The following PCDH11X variants were observed in gnomAD, a reference collection of about 807,000 sequenced individuals.
PCDH11X encodes protocadherin 11 X-linked.
Under a neutral mutation model 53.3 loss-of-function variants are expected in PCDH11X, and 18 were observed. The observed-to-expected ratio is 0.34, with a 90% CI of 0.23 to 0.50. The LOEUF is 0.50. Among genes scored for constraint, PCDH11X ranks in the 20% least tolerant of loss-of-function variants. The pLI, the probability that PCDH11X is intolerant of heterozygous loss-of-function variation, is 0.98. For missense variants in PCDH11X, 570 were observed against 1,032.4 expected, an observed-to-expected ratio of 0.55 and a Z score of 6.14; for synonymous variants, 279 against 393.3, an observed-to-expected ratio of 0.71 and a Z score of 3.44.
chrX:92,549,252 A>AACTT (rs1203654082), intron 10 of PCDH11X, among the ~76,000 whole-genome samples: 3 of 108,264 alleles, frequency 2.8e-5, no homozygotes, highest in Non-Finnish European at 5.8e-5. Flanking sequence ...CTTAAAATTT[A>AACTT]ACTTAATGCC....
At chrX:92,003,736 T>C (rs867283839) in intron 6 of PCDH11X, among the ~76,000 whole-genome samples, 216 of 102,941 alleles carry the variant, frequency 2.1e-3, no homozygotes, top group Admixed American at 3.8e-3. Flanking sequence ...TCAATTATAA[T>C]GCCTCCCTTT....
chrX:92,121,616 T>C (rs1234015082), intron 6 of PCDH11X, among the ~76,000 whole-genome samples: 1 of 112,209 alleles, frequency 8.9e-6, no homozygotes, highest in African/African-American at 3.2e-5. Context: ...ACAATGCTTC[T>C]CCTATTTCTT....
chrX:91,952,661 C>A (rs893041303), intron 6 of PCDH11X, among the ~76,000 whole-genome samples: 22 of 111,350 alleles, frequency 2.0e-4, no homozygotes, highest in African/African-American at 6.2e-4. Context: ...ATTGAGCTAC[C>A]ATATGATCCA....
At chrX:91,795,887 A>G (rs1314215298) in intron 1 of PCDH11X, among the ~76,000 whole-genome samples, 11 of 111,735 alleles carry the variant, frequency 9.8e-5, no homozygotes, top group Non-Finnish European at 1.9e-4. Flanking sequence ...AACAATACCA[A>G]TCATCCAATT....
chrX:91,883,426 C>A (rs1940011918), intron 6 of PCDH11X: 6 of 749,551 alleles, frequency 8.0e-6, no homozygotes, highest in Non-Finnish European at 9.4e-6. Context: ...AAAAACAAAA[C>A]CAAAACACTC....
intron 7 of PCDH11X, among the ~76,000 whole-genome samples, chrX:92,219,313 A>G (rs1357319887): frequency 1.4e-4 from 15 of 111,080 alleles, no homozygotes; most frequent in African/African-American, 4.9e-4. Context: ...GTCTCAGCCC[A>G]AAATCTCCTT....
chrX:92,575,980 A>G (rs1471124003), intron 10 of PCDH11X, among the ~76,000 whole-genome samples: 37 of 21,157 alleles, frequency 1.7e-3, no homozygotes, highest in African/African-American at 1.8e-3. Context: ...CCTGGGGTGT[A>G]TATATATATA....
At chrX:92,167,273 C>T (rs1255071640) in intron 6 of PCDH11X, among the ~76,000 whole-genome samples, 1 of 111,556 alleles carries the variant, frequency 9.0e-6, no homozygotes, top group African/African-American at 3.3e-5. Context: ...CATTGAAAGA[C>T]ACTGCAGATG....
At position 92,065,087 on chromosome X, in the gene PCDH11X, G is replaced by C. The variant is rs369622831; in HGVS notation, c.3034-136288G>C. ...GCCTGAGGGTGGATCCCTGGGGCTC[G>C]TGGGTATGCTCCTGGGGCCTGGGGG... is the stretch of plus-strand genomic sequence containing the variant. On this transcript the variant is annotated intron_variant, in intron 6 of 10. Coordinates refer to ENST00000682573, the MANE Select transcript of PCDH11X (RefSeq NM_032968.5). 2.8e-4 allele frequency among the ~76,000 whole-genome samples: 28 copies of C among 99,835 alleles called. 1 individual carries two copies. The highest frequency in any genetic ancestry group is 2.0e-3 in the East Asian group (6 of 3,072). 86.7% of individuals were successfully genotyped at this position (99,835 alleles called of 115,157 possible). A position where few individuals can be genotyped will look rare whatever the true frequency, so the allele number is the denominator to read the frequency against.
intron 6 of PCDH11X, among the ~76,000 whole-genome samples, chrX:91,911,823 T>A (rs1420102573): frequency 1.8e-5 from 2 of 110,747 alleles, no homozygotes; most frequent in Admixed American, 1.9e-4. Flanking sequence ...CTATAAAGAA[T>A]GTCATTGGTA....
At chrX:92,185,039 G>C (rs997147960) in intron 6 of PCDH11X, among the ~76,000 whole-genome samples, 2 of 110,866 alleles carry the variant, frequency 1.8e-5, no homozygotes, top group African/African-American at 6.5e-5. Flanking sequence ...TCTTAATTTC[G>C]TCATATCGGC....
chrX:91,823,857 T>A (rs1374889333), intron 4 of PCDH11X, among the ~76,000 whole-genome samples: 1 of 111,163 alleles, frequency 9.0e-6, no homozygotes, highest in African/African-American at 3.3e-5. Flanking sequence ...GCAGCTCTTT[T>A]AGGGCAGGCC....
At chrX:92,226,203 T>C (rs2066967997) in intron 7 of PCDH11X, among the ~76,000 whole-genome samples, 1 of 111,891 alleles carries the variant, frequency 8.9e-6, no homozygotes, top group Non-Finnish European at 1.9e-5. Flanking sequence ...ATTTATTTGA[T>C]TATAGTTTTA....
intron 10 of PCDH11X, among the ~76,000 whole-genome samples, chrX:92,522,570 T>A (rs1228482008): frequency 9.0e-6 from 1 of 111,499 alleles, no homozygotes; most frequent in East Asian, 2.8e-4. Context: ...ATAGACTTGT[T>A]GGACACAAGG....
At chrX:91,948,229 C>A (rs2061599022) in intron 6 of PCDH11X, among the ~76,000 whole-genome samples, 2 of 109,464 alleles carry the variant, frequency 1.8e-5, no homozygotes, top group Non-Finnish European at 3.8e-5. Flanking sequence ...AACATTTTCC[C>A]TTTAAAAAAA....
At chrX:91,980,649 G>A (rs1309114067) in intron 6 of PCDH11X, among the ~76,000 whole-genome samples, 1 of 105,643 alleles carries the variant, frequency 9.5e-6, no homozygotes, top group African/African-American at 3.4e-5. Context: ...TGGCCTTGCT[G>A]GTCTCCAACT....
At chrX:91,842,523 CT>C (rs1455408343) in intron 5 of PCDH11X, among the ~76,000 whole-genome samples, 1 of 105,913 alleles carries the variant, frequency 9.4e-6, no homozygotes, top group Non-Finnish European at 1.9e-5. Context: ...TGGACACACA[CT>C]TTTTAGCAAT....
chrX:92,240,304 C>T (rs953358592), intron 7 of PCDH11X, among the ~76,000 whole-genome samples: 28 of 111,826 alleles, frequency 2.5e-4, no homozygotes, highest in African/African-American at 8.8e-4. Flanking sequence ...CCTTGATGCA[C>T]GGCTTTCAAC....
chrX:92,445,635 C>T (rs1199399201), intron 9 of PCDH11X, among the ~76,000 whole-genome samples: 3 of 108,274 alleles, frequency 2.8e-5, no homozygotes, highest in East Asian at 2.9e-4. Context: ...AGTCTAAAAC[C>T]GATTTTAAAA....
Sources: gnomAD v4.1 joint callset for allele counts (sites outside exome capture counted in the v4.1 genomes callset) on GRCh38, gnomAD v4.1.1 for gene constraint, MANE v1.5 for transcripts, NCBI Gene and HGNC (gene_info 2026-07-23, HGNC 2026-07-21) for gene names.